Variants in AP3B1 observed in about 807,000 individuals in gnomAD.
AP3B1 encodes adaptor related protein complex 3 subunit beta 1, also known as AP-3 complex subunit beta-1.
A neutral mutation model predicts 132.5 loss-of-function variants in AP3B1; 61 were observed. That is an observed-to-expected ratio of 0.46 (90% CI 0.37 to 0.57). The LOEUF is 0.57. AP3B1 is among the 20% of genes least tolerant of loss of function. AP3B1 has a pLI of 0.00. For missense variants in AP3B1, 1,120 were observed against 1,289.4 expected (o/e 0.87, Z 2.01); for synonymous variants, 388 against 438.3 (o/e 0.89, Z 1.43).
intron 15 of AP3B1, among the ~76,000 whole-genome samples, chr5:78,138,990 A>AAC (rs1232656006): frequency 2.7e-5 from 4 of 148,906 alleles, no homozygotes; most frequent in African/African-American, 9.9e-5. Context: ...AAAAAAAAAA[A>AAC]CACTTCAGAA....
chr5:78,202,242 C>G (rs938528344), intron 7 of AP3B1, among the ~76,000 whole-genome samples: 1 of 152,086 alleles, frequency 6.6e-6, no homozygotes, highest in African/African-American at 2.4e-5. Context: ...TCCAATAAAC[C>G]TTTTTCTTTT....
intron 22 of AP3B1, among the ~76,000 whole-genome samples, chr5:78,050,546 A>G (rs1205750213): frequency 1.3e-5 from 2 of 152,136 alleles, no homozygotes; most frequent in Non-Finnish European, 2.9e-5. Flanking sequence ...GAGATCTTCT[A>G]TATTAATATT....
At chr5:78,171,973 C>T (rs1322413480) in intron 11 of AP3B1, among the ~76,000 whole-genome samples, 1 of 152,140 alleles carries the variant, frequency 6.6e-6, no homozygotes. Context: ...TGCCAAAGGC[C>T]TTTTCTGCAT....
At position 78,141,199 on chromosome 5, in the gene AP3B1, C is replaced by A; in HGVS notation, c.1594G>T (p.Val532Leu). 1 of 1,613,782 alleles carries A rather than the reference C, an allele frequency of 6.2e-7. No individual in the cohort carries two copies. Among genetic ancestry groups the A allele is most frequent in the Non-Finnish European group, 8.5e-7 (1 of 1,179,766 alleles). Residue 532 changes from valine to leucine, a missense_variant, in exon 15 of 27, where the codon GTA becomes TTA. By Grantham distance (32) the Val-to-Leu change is conservative. Coordinates refer to ENST00000255194, the MANE Select transcript of AP3B1 (RefSeq NM_003664.5). Reference sequence around the variant, plus strand: ...CCCAGATTTAATATCTGCAGTTTTACCAGATCATCTTCACTAGTGAAGCTT... The same window carrying A: ...CCCAGATTTAATATCTGCAGTTTTAACAGATCATCTTCACTAGTGAAGCTT... ...AKSFTSEDDLVKLQILNLGAK... is the reference protein window; with the variant it reads ...AKSFTSEDDLLKLQILNLGAK...
chr5:78,209,922 G>A (rs1195870163), intron 7 of AP3B1, among the ~76,000 whole-genome samples: 5 of 151,884 alleles, frequency 3.3e-5, no homozygotes, highest in African/African-American at 1.2e-4. Context: ...CAATCAATAG[G>A]AATAAATTAT....
intron 22 of AP3B1, among the ~76,000 whole-genome samples, chr5:78,085,322 C>T (rs1048780679): frequency 5.3e-5 from 8 of 152,080 alleles, no homozygotes; most frequent in South Asian, 4.1e-4. Context: ...GAACCTTTTT[C>T]GCATATTATC....
chr5:78,109,913 T>C (rs1444622262), intron 20 of AP3B1, among the ~76,000 whole-genome samples: 1 of 152,186 alleles, frequency 6.6e-6, no homozygotes, highest in East Asian at 1.9e-4. Context: ...TGTACACTTA[T>C]AATTCTTTGC....
At chr5:78,289,628 A>G (rs1749425519) in intron 1 of AP3B1, among the ~76,000 whole-genome samples, 1 of 152,172 alleles carries the variant, frequency 6.6e-6, no homozygotes, top group South Asian at 2.1e-4. Context: ...CCCTTACTCT[A>G]CAACTCCTGA....
At chr5:78,245,971 A>G (rs1747362990) in intron 2 of AP3B1, among the ~76,000 whole-genome samples, 1 of 152,204 alleles carries the variant, frequency 6.6e-6, no homozygotes, top group Non-Finnish European at 1.5e-5. Flanking sequence ...AAAAAGTGAG[A>G]GTCATGTTTA....
intron 22 of AP3B1, among the ~76,000 whole-genome samples, chr5:78,080,380 G>C (rs1343486924): frequency 1.3e-5 from 2 of 151,632 alleles, no homozygotes; most frequent in Non-Finnish European, 2.9e-5. Flanking sequence ...TTAACAACTG[G>C]CACAGTATTC....
intron 13 of AP3B1, among the ~76,000 whole-genome samples, chr5:78,158,953 C>T (rs1561446908): frequency 6.6e-6 from 1 of 152,160 alleles, no homozygotes; most frequent in Non-Finnish European, 1.5e-5. Context: ...CCGCCTTGGC[C>T]TCCCAAATGC....
chr5:78,082,522 GTAT>G, intron 22 of AP3B1, among the ~76,000 whole-genome samples: 1 of 152,292 alleles, frequency 6.6e-6, no homozygotes, highest in East Asian at 1.9e-4. Flanking sequence ...TTTGGGAAAA[GTAT>G]TATCTCCATT....
intron 22 of AP3B1, among the ~76,000 whole-genome samples, chr5:78,081,226 G>C (rs547834201): frequency 6.6e-6 from 1 of 151,338 alleles, no homozygotes; most frequent in South Asian, 2.1e-4. Context: ...CACAGAATAC[G>C]ACACAAGGAA....
intron 8 of AP3B1, among the ~76,000 whole-genome samples, chr5:78,178,116 A>T (rs1034046478): frequency 2.0e-5 from 3 of 152,198 alleles, no homozygotes; most frequent in African/African-American, 7.2e-5. Flanking sequence ...CTGCTCTGAG[A>T]CTGGGGCTTT....
intron 8 of AP3B1, 100 bp downstream of exon 8, chr5:78,181,407 G>T: frequency 9.1e-7 from 1 of 1,098,682 alleles, no homozygotes; most frequent in Non-Finnish European, 1.3e-6. Flanking sequence ...ACAAACAAAT[G>T]CTCCATTAGC....
Position 78,002,991 on chromosome 5 carries a change from A to G in AP3B1, c.3196T>C (p.Ser1066Pro). The change falls in exon 27 of 27, where the codon TCT (serine) becomes CCT (proline). Residue 1066 changes from serine (S) to proline (P), a missense_variant. By Grantham distance (74) the Ser-to-Pro change is moderately conservative. Transcript: ENST00000255194. ...MLVTVELKEG[S>P]TAQLIINTEK... ...GTGTTTATGATAAGCTGGGCTGTAGAGCCTTCCTTCAGTTCCACTGTGACT... is the reference window on the plus strand; with the variant it reads ...GTGTTTATGATAAGCTGGGCTGTAGGGCCTTCCTTCAGTTCCACTGTGACT... The G allele has an allele frequency of 3.1e-6, 5 of 1,614,188 alleles. No individual in the cohort carries two copies. The highest frequency in any genetic ancestry group is 4.2e-6 in the Non-Finnish European group (5 of 1,180,026).
At chr5:78,053,655 G>C (rs1010740956) in intron 22 of AP3B1, among the ~76,000 whole-genome samples, 9 of 144,938 alleles carry the variant, frequency 6.2e-5, no homozygotes, top group Non-Finnish European at 1.3e-4. Flanking sequence ...ACTCCAGCCT[G>C]GTGATAGAGC....
intron 21 of AP3B1, among the ~76,000 whole-genome samples, chr5:78,100,329 A>G (rs1047390952): frequency 6.6e-6 from 1 of 152,200 alleles, no homozygotes; most frequent in Non-Finnish European, 1.5e-5. Flanking sequence ...TCCTAGTGCA[A>G]CAAAGTACCA....
intron 26 of AP3B1, among the ~76,000 whole-genome samples, chr5:78,005,154 C>T (rs150668350): frequency 2.6e-5 from 4 of 152,302 alleles, no homozygotes; most frequent in South Asian, 2.1e-4. Flanking sequence ...TCGGTCATCA[C>T]GTGTGTAATT....
Sources: gnomAD v4.1 joint callset for allele counts (sites outside exome capture counted in the v4.1 genomes callset) on GRCh38, gnomAD v4.1.1 for gene constraint, MANE v1.5 for transcripts, NCBI Gene and HGNC (gene_info 2026-07-23, HGNC 2026-07-21) for gene names.